NBAS: variants seen among roughly 807,000 people sequenced by gnomAD.
NBAS encodes NBAS subunit of NRZ tethering complex.
In NBAS, 219 loss-of-function variants were observed where a neutral mutation model predicts 302.5. The ratio of observed to expected loss-of-function variants is 0.72; its 90% CI spans 0.65 to 0.81. NBAS has a LOEUF of 0.81. NBAS is among the 30% of genes least tolerant of loss of function. The pLI is 0.00. For synonymous variants in NBAS, 1,118 were observed against 1,021.6 expected (o/e 1.09, Z -1.80); for missense variants, 2,932 against 2,841.6 (o/e 1.03, Z -0.72).
chr2:15,329,666 G>C (rs897676705), intron 36 of NBAS, among the ~76,000 whole-genome samples: 18 of 152,114 alleles, frequency 1.2e-4, no homozygotes, highest in African/African-American at 4.3e-4. Context: ...TCTCCCCATT[G>C]TTCACTCAGC....
At chr2:14,830,831 G>T in the NBAS span, among the ~76,000 whole-genome samples, 2 of 152,314 alleles carry the variant, frequency 1.3e-5, no homozygotes, top group Admixed American at 1.3e-4. Flanking sequence ...ACTGTGTCCA[G>T]TGGTGTGCTG....
At chr2:15,327,906 T>A (rs551801529) in intron 37 of NBAS, 36 bp from the exon 38 acceptor site, 1 of 1,612,510 alleles carries the variant, frequency 6.2e-7, no homozygotes, top group South Asian at 1.1e-5. Flanking sequence ...TCTAGTAGGG[T>A]GCCTTTTGTC....
intron 38 of NBAS, among the ~76,000 whole-genome samples, chr2:15,323,536 G>A (rs894389464): frequency 6.6e-6 from 1 of 152,114 alleles, no homozygotes; most frequent in African/African-American, 2.4e-5. Context: ...TTTCACAACT[G>A]AATTCCCTGA....
chr2:15,355,069 C>T (rs1673547700), intron 33 of NBAS, among the ~76,000 whole-genome samples: 1 of 152,170 alleles, frequency 6.6e-6, no homozygotes, highest in African/African-American at 2.4e-5. Flanking sequence ...TCATACACAT[C>T]ACAATAGTCC....
At chr2:15,175,808 T>C (rs923070618) in intron 51 of NBAS, among the ~76,000 whole-genome samples, 1 of 152,246 alleles carries the variant, frequency 6.6e-6, no homozygotes, top group African/African-American at 2.4e-5. Context: ...GTACAATCTC[T>C]GGCATCAGCA....
At chr2:14,889,672 G>C in the NBAS span, among the ~76,000 whole-genome samples, 1 of 152,308 alleles carries the variant, frequency 6.6e-6, no homozygotes, top group South Asian at 2.1e-4. Context: ...GTTAGAAAAG[G>C]GATAGGGAAA....
chr2:14,906,960 G>A, the NBAS span, among the ~76,000 whole-genome samples: 10 of 152,050 alleles, frequency 6.6e-5, no homozygotes, highest in African/African-American at 2.2e-4. Context: ...AAATGACTTC[G>A]AGTTGAATCC....
chr2:15,436,476 T>C (rs889129572), intron 21 of NBAS, among the ~76,000 whole-genome samples: 2 of 152,128 alleles, frequency 1.3e-5, no homozygotes, highest in Admixed American at 6.5e-5. Context: ...GAAAAAATTA[T>C]ACTTTGGAAA....
the NBAS span, among the ~76,000 whole-genome samples, chr2:14,824,015 G>C: frequency 6.6e-6 from 1 of 152,168 alleles, no homozygotes; most frequent in Middle Eastern, 3.2e-3. Flanking sequence ...ACTCAGTGTC[G>C]AGAAGGGCAG....
intron 9 of NBAS, among the ~76,000 whole-genome samples, chr2:15,515,911 A>G (rs1254974980): frequency 6.6e-6 from 1 of 152,162 alleles, no homozygotes; most frequent in Admixed American, 6.5e-5. Context: ...AGAAGGTACA[A>G]AGAGACCCAT....
the NBAS span, among the ~76,000 whole-genome samples, chr2:14,949,002 C>T: frequency 2.0e-5 from 3 of 152,104 alleles, no homozygotes; most frequent in African/African-American, 7.2e-5. Context: ...AAAGAACAGG[C>T]TTTTCAACAA....
At chr2:15,417,740 CTGAG>C (rs928980678) in intron 23 of NBAS, 28 bp from the exon 24 acceptor site, 3 of 1,596,766 alleles carry the variant, frequency 1.9e-6, no homozygotes, top group African/African-American at 2.7e-5. Context: ...CAATAAGTTC[CTGAG>C]TATTATATAT....
At chr2:14,998,599 G>A in the NBAS span, among the ~76,000 whole-genome samples, 1 of 152,176 alleles carries the variant, frequency 6.6e-6, no homozygotes, top group Admixed American at 6.5e-5. Flanking sequence ...TCCAGTATCA[G>A]GCTACTCTGG....
At chr2:15,185,955 C>A (rs1665054980) in intron 50 of NBAS, among the ~76,000 whole-genome samples, 1 of 151,988 alleles carries the variant, frequency 6.6e-6, no homozygotes, top group South Asian at 2.1e-4. Context: ...TATCCAAATG[C>A]TTAAATTTAA....
At chr2:15,193,212 A>T (rs1665445405) in intron 48 of NBAS, among the ~76,000 whole-genome samples, 1 of 152,168 alleles carries the variant, frequency 6.6e-6, no homozygotes, top group African/African-American at 2.4e-5. Context: ...ATTTTTAGTA[A>T]CTTACTTTTC....
At chr2:14,986,868 A>G in the NBAS span, among the ~76,000 whole-genome samples, 2 of 152,156 alleles carry the variant, frequency 1.3e-5, no homozygotes, top group African/African-American at 4.8e-5. Flanking sequence ...TGATCAATAC[A>G]GGAGTTCTCA....
chr2:15,294,833 A>C (rs1325065308), intron 40 of NBAS, among the ~76,000 whole-genome samples: 1 of 152,198 alleles, frequency 6.6e-6, no homozygotes, highest in Non-Finnish European at 1.5e-5. Flanking sequence ...ATCTATGTTC[A>C]CCAAAACAAT....
chr2:14,989,293 A>ATGTGTATGTGTGTGTGTGTGTG, the NBAS span, among the ~76,000 whole-genome samples: 1 of 148,024 alleles, frequency 6.8e-6, no homozygotes, highest in Non-Finnish European at 1.5e-5. Flanking sequence ...ATGTATGTGT[A>ATGTGTATGTGTGTGTGTGTGTG]TGTGTGTGTG....
intron 11 of NBAS, 131 bp from the exon 12 acceptor site, chr2:15,489,153 A>G: frequency 9.8e-7 from 1 of 1,017,260 alleles, no homozygotes; most frequent in South Asian, 1.4e-5. Context: ...CCAGCTTCCT[A>G]TCATTATAAA....
Sources: allele counts gnomAD v4.1 joint callset (sites outside exome capture counted in the v4.1 genomes callset), GRCh38; gene constraint gnomAD v4.1.1; transcripts MANE v1.5; gene names NCBI Gene and HGNC (gene_info 2026-07-23, HGNC 2026-07-21).